TCF23: variants seen among roughly 807,000 people sequenced by gnomAD.
TCF23 encodes the protein class A basic helix-loop-helix protein 24.
A neutral mutation model predicts 13.0 loss-of-function variants in TCF23; 7 were observed. That is an observed-to-expected ratio of 0.54 (90% confidence interval 0.31 to 1.01). The LOEUF (loss-of-function observed/expected upper bound fraction) is 1.01. Ranked by LOEUF, TCF23 falls within the 50% of genes least tolerant of loss-of-function variation. The probability of loss-of-function intolerance (pLI) is 0.06; values close to 1 mark genes in which losing one functional copy is unlikely to be tolerated. For synonymous variants in TCF23, 122 were observed against 119.5 expected, an observed-to-expected ratio of 1.02 and a Z score of -0.14; for missense variants, 257 against 289.8, an observed-to-expected ratio of 0.89 and a Z score of 0.82.
chr2:27,152,736 G>C lies in TCF23; in HGVS notation c.514G>C (p.Asp172His). The C allele has an allele frequency of 6.2e-7, 1 of 1,614,104 alleles. No individual in the cohort carries two copies. The highest frequency in any genetic ancestry group is 1.6e-4 in the Middle Eastern group (1 of 6,062). The change falls in exon 3 of 3, where the codon GAT becomes CAT. Residue 172 changes from aspartate (D) to histidine (H), a missense_variant. Coordinates refer to ENST00000296096, the MANE Select transcript of TCF23 (RefSeq NM_175769.3). ...CTATGCTGGAGGCCTGGGGTACTCC[G>C]ATCTTGACTCCACCACAGCCAGCAC... ...RLYAGGLGYS[D>H]LDSTTASTPS...
chr2:27,150,372 C>T lies in TCF23; in HGVS notation c.465+7C>T, dbSNP rs746638336. 8 of 1,609,802 alleles carry T rather than the reference C, an allele frequency of 5.0e-6. No homozygotes were observed. The Middle Eastern group carries it at 8.2e-4, about 166-fold the overall frequency. On this transcript the variant is annotated splice_region_variant and intron_variant, in intron 2 of 2. Transcript: ENST00000296096. The surrounding 1 kb of genome is among the most constrained non-coding windows in gnomAD (Gnocchi z 4.1). Reference sequence around the variant, plus strand: ...CTACTTGCACCCTCTCAAGGTAAGTCACAAGCCCTGGGACTTGAGAGGCGG... The same window carrying T: ...CTACTTGCACCCTCTCAAGGTAAGTTACAAGCCCTGGGACTTGAGAGGCGG...
In TCF23 at chr2:27,150,904, A is replaced by G. The variant is rs1672752546; in HGVS notation, c.465+539A>G. 6.6e-6 allele frequency among the ~76,000 whole-genome samples: 1 copy of G among 152,188 alleles called. No individual in the cohort carries two copies. The highest frequency in any genetic ancestry group is 2.4e-5 in the African/African-American group (1 of 41,432). On this transcript the variant is annotated intron_variant, in intron 2 of 2. Transcript: ENST00000296096. This position sits in a 1 kb window ranked among gnomAD's most constrained non-coding sequence, Gnocchi z 4.1. ...CCAGACTGCAATCTAGCTTTTCTCA[A>G]CCTCAGTTTTATTACACGTAAAATA...
In TCF23 at chr2:27,152,703, T is replaced by A; in HGVS notation, c.481T>A (p.Ser161Thr). 1.9e-6 allele frequency: 3 copies of A among 1,613,722 alleles called. No homozygotes were observed. The highest frequency in any genetic ancestry group is 1.7e-6 in the Non-Finnish European group (2 of 1,179,858). The change falls in exon 3 of 3, where the codon TCT becomes ACT. Residue 161 changes from serine to threonine, a missense_variant. Coordinates refer to ENST00000296096, the MANE Select transcript of TCF23 (RefSeq NM_175769.3). Reference protein sequence around the residue: ...LHPLKKWPMRSRLYAGGLGYS... With the variant: ...LHPLKKWPMRTRLYAGGLGYS... ...TGTCTTGCAGAAGTGGCCGATGCGA[T>A]CTCGTCTCTATGCTGGAGGCCTGGG...
In TCF23 at chr2:27,154,657, AC is replaced by A. The variant is rs1418113055; in HGVS notation, c.*1791del. ...TGAACTCGTAAATCTGCCTTGAACC[AC>A]GTCTCTGCAGAGGGACCCTGAAGAG... On this transcript the variant is annotated 3_prime_UTR_variant, in exon 3 of 3. Coordinates refer to ENST00000296096, the MANE Select transcript of TCF23 (RefSeq NM_175769.3). The A allele has an allele frequency of 6.6e-6, 1 of 152,432 alleles. No individual in the cohort carries two copies. The highest frequency in any genetic ancestry group is 2.4e-5 in the African/African-American group (1 of 41,456). 9.4% of individuals were successfully genotyped at this position (152,432 alleles called of 1,614,324 possible). A position where few individuals can be genotyped will look rare whatever the true frequency, so the allele number is the denominator to read the frequency against.
chr2:27,155,766 AAAAG>A lies in TCF23; in HGVS notation c.*2903_*2906del, dbSNP rs1188305963. ...AAAAAAAAATGAAAGAAAAAAAAAGAAAAGAAAAGAAATAAAAGAAAATATGGAT... is the reference window on the plus strand; with the variant it reads ...AAAAAAAAATGAAAGAAAAAAAAAGAAAAAGAAATAAAAGAAAATATGGAT... On this transcript the variant is annotated 3_prime_UTR_variant, in exon 3 of 3. Coordinates refer to ENST00000296096, the MANE Select transcript of TCF23 (RefSeq NM_175769.3). The A allele has an allele frequency of 1.3e-5, 2 of 152,232 alleles. No individual in the cohort carries two copies. Among genetic ancestry groups the A allele is most frequent in the East Asian group, 3.9e-4 (2 of 5,192 alleles). 9.4% of individuals were successfully genotyped at this position (152,232 alleles called of 1,614,324 possible).
chr2:27,152,596 G>T (rs1463247394), intron 2 of TCF23, 92 bp from the exon 3 acceptor site: 2 of 1,471,654 alleles, frequency 1.4e-6, no homozygotes, highest in Non-Finnish European at 1.8e-6. Flanking sequence ...AGGGAGGGAT[G>T]CTGGAGAAGG....
Position 27,149,337 on chromosome 2 carries a change from GGGCCT to G in TCF23, c.208_212del (p.Leu70SerfsTer9). ...CTGGCCCTCGAGGGACCAGGGCTGGGGGCCTGGCTCTTGGCAGGGTAAGGAAATCC... is the reference window on the plus strand; with the variant it reads ...CTGGCCCTCGAGGGACCAGGGCTGGGGGCTCTTGGCAGGGTAAGGAAATCC... On this transcript the variant is annotated frameshift_variant, in exon 1 of 3. Transcript: ENST00000296096. LOFTEE classifies it high-confidence loss of function. 1 of 1,584,242 alleles carries G rather than the reference GGGCCT, an allele frequency of 6.3e-7. No homozygotes were observed. The highest frequency in any genetic ancestry group is 8.6e-7 in the Non-Finnish European group (1 of 1,165,156).
chr2:27,149,133 C>A lies in TCF23; in HGVS notation c.-1C>A. On this transcript the variant is annotated 5_prime_UTR_variant, in exon 1 of 3. Transcript: ENST00000296096. ...GTGGGCTGCAGCCCCAGTGGGGTGGCATGTCACAGAGGAAGGCCAGAGGGC... is the reference window on the plus strand; with the variant it reads ...GTGGGCTGCAGCCCCAGTGGGGTGGAATGTCACAGAGGAAGGCCAGAGGGC... 6.5e-7 allele frequency: 1 copy of A among 1,549,462 alleles called. No individual in the cohort carries two copies. The highest frequency in any genetic ancestry group is 8.7e-7 in the Non-Finnish European group (1 of 1,146,850).
Position 27,150,206 on chromosome 2 carries a change from T to C in TCF23, c.306T>C (p.Ala102=), listed in dbSNP as rs1458074494. ...LRQAFLALQA[A]LPAVPPDTKL... ...AGGCCTTCTTGGCCTTGCAGGCTGCTCTGCCTGCCGTGCCGCCCGACACCA... is the reference window on the plus strand; with the variant it reads ...AGGCCTTCTTGGCCTTGCAGGCTGCCCTGCCTGCCGTGCCGCCCGACACCA... The change falls in exon 2 of 3, where the codon GCT becomes GCC. Residue 102 remains alanine, a synonymous_variant. Transcript: ENST00000296096. The surrounding 1 kb of genome is among the most constrained non-coding windows in gnomAD (Gnocchi z 4.1). 6.2e-7 allele frequency: 1 copy of C among 1,612,750 alleles called. No homozygotes were observed. The highest frequency in any genetic ancestry group is 8.5e-7 in the Non-Finnish European group (1 of 1,179,856).
At position 27,154,675 on chromosome 2, in the gene TCF23, C is replaced by T. The variant is rs116392875; in HGVS notation, c.*1808C>T. 1 of 152,470 alleles carries T rather than the reference C, an allele frequency of 6.6e-6. No individual in the cohort carries two copies. Among genetic ancestry groups the T allele is most frequent in the Admixed American group, 6.5e-5 (1 of 15,274 alleles). 9.4% of individuals were successfully genotyped at this position (152,470 alleles called of 1,614,324 possible). A position where few individuals can be genotyped will look rare whatever the true frequency, so the allele number is the denominator to read the frequency against. On this transcript the variant is annotated 3_prime_UTR_variant, in exon 3 of 3. Transcript: ENST00000296096. Reference sequence around the variant, plus strand: ...TTGAACCACGTCTCTGCAGAGGGACCCTGAAGAGCTTGTGCAGAGCTGATG... The same window carrying T: ...TTGAACCACGTCTCTGCAGAGGGACTCTGAAGAGCTTGTGCAGAGCTGATG...
chr2:27,155,906 A>T lies in TCF23; in HGVS notation c.*3039A>T, dbSNP rs982456647. On this transcript the variant is annotated 3_prime_UTR_variant, in exon 3 of 3. Transcript: ENST00000296096. ...CTGGCCTACCTGGTCTTCCTGCACCACCTGCCCCATCCCCAGGACTTGGGA... is the reference window on the plus strand; with the variant it reads ...CTGGCCTACCTGGTCTTCCTGCACCTCCTGCCCCATCCCCAGGACTTGGGA... The T allele has an allele frequency of 6.6e-6, 1 of 152,258 alleles. No individual in the cohort carries two copies. The highest frequency in any genetic ancestry group is 2.4e-5 in the African/African-American group (1 of 41,422). The allele number at this position is 152,258 out of a possible 1,614,324, so 9.4% of individuals were successfully genotyped here.
rs138845716 is a variant in TCF23 at position 27,150,303 on chromosome 2, G to A, written c.403G>A (p.Glu135Lys). 122 of 1,613,602 alleles carry A rather than the reference G, an allele frequency of 7.6e-5. No homozygotes were observed. Among genetic ancestry groups the A allele is most frequent in the Non-Finnish European group, 9.9e-5 (117 of 1,180,022 alleles). ...CCACCTCACCCGCACACTCGGCCAC[G>A]AGTTGCCTGGCCCTGCCTGGCCGCC... ...IAHLTRTLGH[E>K]LPGPAWPPFL... Residue 135 changes from glutamate (E) to lysine (K), a missense_variant, in exon 2 of 3, where the codon GAG becomes AAG. By Grantham distance (56) the Glu-to-Lys change is moderately conservative. Transcript: ENST00000296096. This position sits in a 1 kb window ranked among gnomAD's most constrained non-coding sequence, Gnocchi z 4.1.
chr2:27,149,535 T>A (rs1183545748), intron 1 of TCF23, among the ~76,000 whole-genome samples, 180 bp downstream of exon 1: 1 of 152,054 alleles, frequency 6.6e-6, no homozygotes, highest in Non-Finnish European at 1.5e-5. Flanking sequence ...TCAGAGCTGG[T>A]CTTAACCAGA....
chr2:27,152,711 C>G lies in TCF23; in HGVS notation c.489C>G (p.Leu163=). The change falls in exon 3 of 3, where the codon CTC becomes CTG. Residue 163 remains leucine (L), a synonymous_variant. Transcript: ENST00000296096. The part of the protein sequence containing the change: ...PLKKWPMRSR[L]YAGGLGYSDL... ...AGAAGTGGCCGATGCGATCTCGTCT[C>G]TATGCTGGAGGCCTGGGGTACTCCG... The G allele has an allele frequency of 6.2e-7, 1 of 1,613,966 alleles. No homozygotes were observed. Among genetic ancestry groups the G allele is most frequent in the Non-Finnish European group, 8.5e-7 (1 of 1,179,940 alleles).
chr2:27,152,518 C>G (rs1462520893), intron 2 of TCF23, among the ~76,000 whole-genome samples, 170 bp from the exon 3 acceptor site: 2 of 152,168 alleles, frequency 1.3e-5, no homozygotes, highest in African/African-American at 2.4e-5. Flanking sequence ...TCTGGGTGAT[C>G]AGGAGAATGT....
rs2148430849 is a variant in TCF23, at chr2:27,153,631, C to T, written c.*764C>T. On this transcript the variant is annotated 3_prime_UTR_variant, in exon 3 of 3. Transcript: ENST00000296096. ...TCAAGTGATCCTCCCACCTCAGCCTCCTAAAGTGCTGGGATTACAGGCATG... is the reference window on the plus strand; with the variant it reads ...TCAAGTGATCCTCCCACCTCAGCCTTCTAAAGTGCTGGGATTACAGGCATG... 6.5e-6 allele frequency: 1 copy of T among 153,162 alleles called. No homozygotes were observed. 9.5% of individuals were successfully genotyped at this position (153,162 alleles called of 1,614,324 possible).
chr2:27,149,597 G>A (rs941141870), intron 1 of TCF23: 11 of 649,092 alleles, frequency 1.7e-5, no homozygotes, highest in East Asian at 6.1e-5. Flanking sequence ...AACTGAGGCC[G>A]GGAAGAGGGA....
rs1206419880 is a variant in TCF23, at chr2:27,149,247, C to A, written c.114C>A (p.Ser38Arg). The A allele has an allele frequency of 6.3e-7, 1 of 1,581,138 alleles. No homozygotes were observed. The highest frequency in any genetic ancestry group is 8.6e-7 in the Non-Finnish European group (1 of 1,163,714). The change falls in exon 1 of 3, where the codon AGC (serine) becomes AGA (arginine). Residue 38 changes from serine (S) to arginine (R), a missense_variant. Physicochemically the swap from Ser to Arg is moderately radical, Grantham distance 110. Transcript: ENST00000296096. The part of the protein sequence containing the change: ...PGADRKRSRL[S>R]RTRQDPWEER... ...CTGACAGGAAGAGGAGCCGCCTCAG[C>A]AGGACAAGGCAGGACCCGTGGGAAG...
At chr2:27,152,051 G>A (rs1672768160) in intron 2 of TCF23, among the ~76,000 whole-genome samples, 1 of 152,186 alleles carries the variant, frequency 6.6e-6, no homozygotes, top group African/African-American at 2.4e-5. Context: ...GTGGTGCAGG[G>A]TCCTGGGATG....
Sources: allele counts gnomAD v4.1 joint callset (sites outside exome capture counted in the v4.1 genomes callset), GRCh38; gene constraint gnomAD v4.1.1; non-coding constraint Gnocchi (gnomAD v3.1); transcripts MANE v1.5; gene names NCBI Gene and HGNC (gene_info 2026-07-23, HGNC 2026-07-21).